BRINP3: variants seen among roughly 807,000 people sequenced by gnomAD.
The protein encoded by BRINP3 is BMP/retinoic acid inducible neural specific 3, also known as BMP/retinoic acid-inducible neural-specific protein 3.
In BRINP3, 19 loss-of-function variants were observed where a neutral mutation model predicts 71.0. The observed-to-expected ratio is 0.27, with a 90% CI of 0.19 to 0.39. BRINP3 has a LOEUF of 0.39. Among genes scored for constraint, BRINP3 ranks in the 10% least tolerant of loss-of-function variants. The pLI, the probability that BRINP3 is intolerant of heterozygous loss-of-function variation, is 1.00. For synonymous variants in BRINP3, 380 were observed against 337.7 expected (o/e 1.13, Z -1.37); for missense variants, 959 against 940.8 (o/e 1.02, Z -0.25).
chr1:190,260,491 A>G (rs1661090472), intron 4 of BRINP3, among the ~76,000 whole-genome samples: 1 of 152,096 alleles, frequency 6.6e-6, no homozygotes, highest in African/African-American at 2.4e-5. Flanking sequence ...TGCAACAATT[A>G]TGAATGGTCC....
At chr1:190,404,389 C>T (rs1672129183) in intron 2 of BRINP3, among the ~76,000 whole-genome samples, 1 of 151,874 alleles carries the variant, frequency 6.6e-6, no homozygotes, top group African/African-American at 2.4e-5. Flanking sequence ...ACAAAAAGAA[C>T]CTGGCCAAAA....
intron 2 of BRINP3, among the ~76,000 whole-genome samples, chr1:190,322,625 C>T (rs1428934951): frequency 6.6e-6 from 1 of 151,964 alleles, no homozygotes; most frequent in East Asian, 1.9e-4. Flanking sequence ...ATCCGAGGAC[C>T]AGAAATGGTT....
intron 2 of BRINP3, among the ~76,000 whole-genome samples, chr1:190,390,033 G>A (rs1489749263): frequency 1.3e-5 from 2 of 151,760 alleles, no homozygotes; most frequent in African/African-American, 2.4e-5. Flanking sequence ...GACTTTTCCT[G>A]TAAAGATGGA....
chr1:190,272,856 C>A (rs1662227761), intron 3 of BRINP3, among the ~76,000 whole-genome samples: 1 of 151,422 alleles, frequency 6.6e-6, no homozygotes, highest in African/African-American at 2.4e-5. Flanking sequence ...CAGTTTAAAT[C>A]ACCATAATAG....
chr1:190,244,546 C>T (rs1186496975), intron 4 of BRINP3, among the ~76,000 whole-genome samples: 2 of 151,908 alleles, frequency 1.3e-5, no homozygotes, highest in African/African-American at 4.8e-5. Context: ...AGTAAAAGCA[C>T]CTATCACCAT....
rs1447834801 is a variant in BRINP3 at position 190,176,725 on chromosome 1, AGC to A, written c.962-15837_962-15836del. Among the ~76,000 whole-genome samples, 3 of 152,090 alleles carry A rather than the reference AGC, an allele frequency of 2.0e-5. No individual in the cohort carries two copies. In the East Asian group the frequency reaches 5.8e-4, roughly 29 times the overall value. ...AACCTGAAGGGACGGGCTACGTTAA[AGC>A]TGTCAAGGTTTTAAATGAAGACCAC... On this transcript the variant is annotated intron_variant, in intron 6 of 7. Transcript: ENST00000367462.
chr1:190,435,862 C>T (rs1674423013), intron 2 of BRINP3, among the ~76,000 whole-genome samples: 2 of 151,912 alleles, frequency 1.3e-5, no homozygotes, highest in Admixed American at 1.3e-4. Context: ...AGCACATCTA[C>T]CCTGGTTATA....
At chr1:190,446,663 C>A (rs532089759) in intron 2 of BRINP3, among the ~76,000 whole-genome samples, 18 of 151,964 alleles carry the variant, frequency 1.2e-4, no homozygotes, top group African/African-American at 4.3e-4. Context: ...TTTTGATATC[C>A]AAAAAATTGA....
chr1:190,341,083 C>T (rs1667625782), intron 2 of BRINP3, among the ~76,000 whole-genome samples: 1 of 151,706 alleles, frequency 6.6e-6, no homozygotes, highest in Admixed American at 6.6e-5. Context: ...TGCTATGCTC[C>T]AGTAGTTTAA....
chr1:190,344,881 AGAG>A (rs777202155), intron 2 of BRINP3, among the ~76,000 whole-genome samples: 10 of 151,878 alleles, frequency 6.6e-5, no homozygotes, highest in Admixed American at 6.6e-5. Context: ...ATAGACATTC[AGAG>A]GAGATTATTA....
chr1:190,207,152 T>A lies in BRINP3; in HGVS notation c.961+18930A>T, dbSNP rs1402220779. On this transcript the variant is annotated intron_variant, in intron 6 of 7. Transcript: ENST00000367462. The stretch of plus-strand genomic sequence containing the variant: ...AAATTAAATAATCAATACTAAATTG[T>A]ATAAAGGAGAGGATTCTTCATCAGG... 2.6e-5 allele frequency among the ~76,000 whole-genome samples: 4 copies of A among 152,216 alleles called. No homozygotes were observed. In the East Asian group the frequency reaches 7.8e-4, roughly 30 times the overall value.
rs1187646747 is a variant in BRINP3 at position 190,235,732 on chromosome 1, T to TTGCTCAAATTTC, written c.619-1267_619-1256dup. ...CGAATCCTTCACTTCCTTCAAATTTTTGCTCAAATTTCATTCTCTTGGGAC... is the reference window on the plus strand; with the variant it reads ...CGAATCCTTCACTTCCTTCAAATTTTTGCTCAAATTTCTGCTCAAATTTCATTCTCTTGGGAC... On this transcript the variant is annotated intron_variant, in intron 4 of 7. Coordinates refer to ENST00000367462, the MANE Select transcript of BRINP3 (RefSeq NM_199051.3). Among the ~76,000 whole-genome samples the TTGCTCAAATTTC allele has an allele frequency of 1.2e-4, 18 of 152,022 alleles. No homozygotes were observed. The East Asian group carries it at 3.5e-3, about 30-fold the overall frequency.
intron 7 of BRINP3, among the ~76,000 whole-genome samples, chr1:190,107,286 C>T (rs762105961): frequency 6.6e-5 from 10 of 151,894 alleles, no homozygotes; most frequent in Non-Finnish European, 1.0e-4. Flanking sequence ...ATTCTGACAA[C>T]ATCTAGCTGT....
chr1:190,191,110 A>G (rs1242684984), intron 6 of BRINP3, among the ~76,000 whole-genome samples: 1 of 152,154 alleles, frequency 6.6e-6, no homozygotes, highest in African/African-American at 2.4e-5. Context: ...CACTTGACAG[A>G]TAAAACTTAA....
At chr1:190,324,587 G>A (rs1299115942) in intron 2 of BRINP3, among the ~76,000 whole-genome samples, 1 of 151,896 alleles carries the variant, frequency 6.6e-6, no homozygotes, top group Non-Finnish European at 1.5e-5. Flanking sequence ...ATTTGCTTAA[G>A]TTTGGTAAGT....
intron 2 of BRINP3, among the ~76,000 whole-genome samples, chr1:190,338,366 T>G (rs1667428397): frequency 6.6e-6 from 1 of 152,080 alleles, no homozygotes; most frequent in South Asian, 2.1e-4. Flanking sequence ...TGTAAATTTG[T>G]TATTTTTTTC....
intron 2 of BRINP3, among the ~76,000 whole-genome samples, chr1:190,340,483 T>C (rs1010658953): frequency 4.0e-5 from 6 of 151,890 alleles, no homozygotes; most frequent in African/African-American, 1.4e-4. Flanking sequence ...GGGTTTATTA[T>C]GGGTCCCTGG....
chr1:190,294,491 A>T (rs1317140470), intron 2 of BRINP3, among the ~76,000 whole-genome samples: 3 of 151,808 alleles, frequency 2.0e-5, no homozygotes. Context: ...GGCTCAAGTG[A>T]TCCTCCTGCC....
At chr1:190,333,340 G>T (rs964560603) in intron 2 of BRINP3, among the ~76,000 whole-genome samples, 1 of 151,856 alleles carries the variant, frequency 6.6e-6, no homozygotes, top group Admixed American at 6.6e-5. Context: ...TAGGTATGGT[G>T]ATCACATTTG....
Sources: gnomAD v4.1 joint callset for allele counts (sites outside exome capture counted in the v4.1 genomes callset) on GRCh38, gnomAD v4.1.1 for gene constraint, MANE v1.5 for transcripts, NCBI Gene and HGNC (gene_info 2026-07-23, HGNC 2026-07-21) for gene names.